Variants in IREB2 observed in about 807,000 individuals in gnomAD.
IREB2 encodes iron responsive element binding protein 2.
IREB2 carries 39 observed loss-of-function variants against 118.8 expected under a neutral mutation model. The ratio of observed to expected loss-of-function variants is 0.33; its 90% confidence interval spans 0.25 to 0.43. IREB2 has a LOEUF of 0.43. Ranked by LOEUF, IREB2 falls within the 20% of genes least tolerant of loss-of-function variation. The probability of loss-of-function intolerance (pLI) is 1.00; values close to 1 mark genes in which losing one functional copy is unlikely to be tolerated. For missense variants in IREB2, 900 were observed against 1,147.3 expected, an observed-to-expected ratio of 0.78 and a Z score of 3.11; for synonymous variants, 372 against 392.2, an observed-to-expected ratio of 0.95 and a Z score of 0.61.
chr15:78,439,645 G>A (rs973067111), intron 1 of IREB2, 150 bp from the exon 2 acceptor site: 5 of 551,000 alleles, frequency 9.1e-6, no homozygotes, highest in Middle Eastern at 4.6e-4. Flanking sequence ...ATAGCCACAC[G>A]TTGCTAATGG....
rs1197878284 is a variant in IREB2 at position 78,463,014 on chromosome 15, T to C, written c.199T>C (p.Leu67=). 3 of 1,613,432 alleles carry C rather than the reference T, an allele frequency of 1.9e-6. No individual in the cohort carries two copies. The highest frequency in any genetic ancestry group is 2.7e-5 in the African/African-American group (2 of 74,908). Residue 67 remains leucine, a synonymous_variant, in exon 3 of 22, where the codon TTA becomes CTA. Coordinates refer to ENST00000258886, the MANE Select transcript of IREB2 (RefSeq NM_004136.4). Reference sequence around the variant, plus strand: ...GAAGAAGGAAGATGTTATGAACATTTTAGACTGGAAAACCAAACAAAGCAA... The same window carrying C: ...GAAGAAGGAAGATGTTATGAACATTCTAGACTGGAAAACCAAACAAAGCAA... ...LMKKEDVMNI[L]DWKTKQSNVE... is the part of the protein sequence containing the mutation.
chr15:78,482,755 T>A, intron 10 of IREB2, among the ~76,000 whole-genome samples: 1 of 152,038 alleles, frequency 6.6e-6, no homozygotes, highest in African/African-American at 2.4e-5. Context: ...AACCAGGTTT[T>A]TTTTTTTTTT....
In IREB2 at chr15:78,488,649, A is replaced by G. The variant is rs749277654; in HGVS notation, c.1954A>G (p.Thr652Ala). The change falls in exon 16 of 22, where the codon ACT becomes GCT. Residue 652 changes from threonine (T) to alanine (A), a missense_variant and splice_region_variant. Thr to Ala is a moderately conservative substitution (Grantham distance 58, BLOSUM62 0). Transcript: ENST00000258886. ...TCATGTTCAAAAATTTTAACCAGGTACTGACCCCACCGGCAAGAACATTTA... is the reference window on the plus strand; with the variant it reads ...TCATGTTCAAAAATTTTAACCAGGTGCTGACCCCACCGGCAAGAACATTTA... ...NIDFQTEPLG[T>A]DPTGKNIYLH... 43 of 1,606,548 alleles carry G rather than the reference A, an allele frequency of 2.7e-5. No homozygotes were observed. The highest frequency in any genetic ancestry group is 3.3e-5 in the Non-Finnish European group (39 of 1,178,042).
Position 78,484,929 on chromosome 15 carries a change from TG to T in IREB2, c.1573+11del, listed in dbSNP as rs2051635418. Reference sequence around the variant, plus strand: ...TGTCATGCTTGCTGCAGGTGGGTTGTGGTTTATGGCCATACTTTTTCTTTTT... The same window carrying T: ...TGTCATGCTTGCTGCAGGTGGGTTGTGTTTATGGCCATACTTTTTCTTTTT... On this transcript the variant is annotated intron_variant, in intron 12 of 21. Coordinates refer to ENST00000258886, the MANE Select transcript of IREB2 (RefSeq NM_004136.4). The T allele has an allele frequency of 6.2e-7, 1 of 1,610,932 alleles. No homozygotes were observed. The highest frequency in any genetic ancestry group is 2.2e-5 in the East Asian group (1 of 44,858).
chr15:78,470,411 C>T (rs900356645), intron 5 of IREB2, 121 bp from the exon 6 acceptor site: 13 of 563,224 alleles, frequency 2.3e-5, no homozygotes, highest in Non-Finnish European at 4.1e-5. Flanking sequence ...GTAAATAGTT[C>T]TTCCAAGGAT....
At position 78,463,071 on chromosome 15, in the gene IREB2, C is replaced by G; in HGVS notation, c.256C>G (p.Leu86Val). 1 of 1,601,862 alleles carries G rather than the reference C, an allele frequency of 6.2e-7. No individual in the cohort carries two copies. Among genetic ancestry groups the G allele is most frequent in the Non-Finnish European group, 8.5e-7 (1 of 1,176,410 alleles). ...VEVPFFPARVLLQDFTGIPAM... is the reference protein window; with the variant it reads ...VEVPFFPARVVLQDFTGIPAM... ...AGTGCCCTTTTTCCCTGCCCGTGTT[C>G]TTCTTCAAGATTTTACGTGAGTAAT... Residue 86 changes from leucine (L) to valine (V), a missense_variant, in exon 3 of 22, where the codon CTT becomes GTT. Leu to Val is a conservative substitution (Grantham distance 32, BLOSUM62 1). Transcript: ENST00000258886.
intron 10 of IREB2, among the ~76,000 whole-genome samples, chr15:78,481,229 G>A (rs763089112): frequency 2.6e-5 from 4 of 152,158 alleles, no homozygotes; most frequent in South Asian, 4.1e-4. Context: ...AGCCTTGAGC[G>A]ATAGCAAGAC....
At chr15:78,467,711 G>A (rs2051308018) in intron 5 of IREB2, among the ~76,000 whole-genome samples, 3 of 151,966 alleles carry the variant, frequency 2.0e-5, no homozygotes, top group Admixed American at 2.0e-4. Flanking sequence ...AAGTCATACA[G>A]CTTTTTAAAA....
chr15:78,490,684 T>G lies in IREB2; in HGVS notation c.2247T>G (p.Ser749=). 1 of 1,614,014 alleles carries G rather than the reference T, an allele frequency of 6.2e-7. No homozygotes were observed. The highest frequency in any genetic ancestry group is 8.5e-7 in the Non-Finnish European group (1 of 1,179,860). Residue 749 remains serine, a synonymous_variant, in exon 18 of 22, where the codon TCT becomes TCG. Transcript: ENST00000258886. ...NAHVLLYLGD[S]VTTDHISPAG... ...ATGTCTTATTATATTTGGGAGACTC[T>G]GTCACAACAGATCATATATCACCTG...
At chr15:78,470,286 T>C (rs184589420) in intron 5 of IREB2, among the ~76,000 whole-genome samples, 20 of 152,318 alleles carry the variant, frequency 1.3e-4, no homozygotes, top group Middle Eastern at 3.4e-3. Context: ...GTTTTGGACA[T>C]TGGTGTAATG....
chr15:78,472,062 A>C (rs955743010), intron 7 of IREB2, 138 bp downstream of exon 7: 14 of 585,188 alleles, frequency 2.4e-5, no homozygotes, highest in Admixed American at 1.8e-4. Flanking sequence ...CAGCAACAAC[A>C]AAATCCTAAT....
intron 16 of IREB2, 152 bp from the exon 17 acceptor site, chr15:78,490,270 C>T: frequency 1.9e-6 from 1 of 519,556 alleles, no homozygotes; most frequent in East Asian, 3.2e-5. Flanking sequence ...AAAGAATACA[C>T]TCTTAATTTT....
At chr15:78,463,530 G>T (rs1016790947) in intron 3 of IREB2, among the ~76,000 whole-genome samples, 11 of 151,600 alleles carry the variant, frequency 7.3e-5, no homozygotes, top group Non-Finnish European at 1.2e-4. Context: ...GTTTTTTTAA[G>T]GTTAGTTTAT....
intron 3 of IREB2, among the ~76,000 whole-genome samples, chr15:78,463,726 G>GA (rs995971264): frequency 3.3e-5 from 5 of 152,166 alleles, no homozygotes; most frequent in African/African-American, 1.2e-4. Flanking sequence ...TCACCTAGGC[G>GA]AGAGTGCAGT....
At chr15:78,483,513 A>G (rs1277270685) in intron 11 of IREB2, 79 bp downstream of exon 11, 6 of 761,736 alleles carry the variant, frequency 7.9e-6, no homozygotes, top group Non-Finnish European at 1.4e-5. Flanking sequence ...TGACCCATAA[A>G]CTCAATTCAC....
chr15:78,451,556 A>C (rs1054264036), intron 2 of IREB2, among the ~76,000 whole-genome samples: 3 of 152,222 alleles, frequency 2.0e-5, no homozygotes, highest in African/African-American at 7.2e-5. Context: ...TTTTTAAGTG[A>C]AACTGGTATT....
chr15:78,485,561 A>G, intron 12 of IREB2, 144 bp from the exon 13 acceptor site: 2 of 835,024 alleles, frequency 2.4e-6, no homozygotes, highest in Non-Finnish European at 3.6e-6. Context: ...AATCAGTAGA[A>G]TAAAGTGGAC....
At chr15:78,456,499 CA>C (rs943194351) in intron 2 of IREB2, among the ~76,000 whole-genome samples, 2 of 149,922 alleles carry the variant, frequency 1.3e-5, no homozygotes, top group African/African-American at 2.4e-5. Context: ...CCTATTGCTA[CA>C]AAAAAAAATT....
chr15:78,452,669 G>T (rs894742492), intron 2 of IREB2, among the ~76,000 whole-genome samples: 4 of 152,172 alleles, frequency 2.6e-5, no homozygotes, highest in Non-Finnish European at 4.4e-5. Flanking sequence ...CACTTTGGGA[G>T]GCTGAGGCGG....
Sources: allele counts gnomAD v4.1 joint callset (sites outside exome capture counted in the v4.1 genomes callset), GRCh38; gene constraint gnomAD v4.1.1; transcripts MANE v1.5; gene names NCBI Gene and HGNC (gene_info 2026-07-23, HGNC 2026-07-21).